SDK1: variants seen among roughly 807,000 people sequenced by gnomAD.
SDK1 encodes protein sidekick-1.
In SDK1, 157 loss-of-function variants were observed where a neutral mutation model predicts 245.5. The ratio of observed to expected loss-of-function variants is 0.64; its 90% CI spans 0.56 to 0.73. The LOEUF (loss-of-function observed/expected upper bound fraction) is 0.73, where lower values mean the gene tolerates loss of function less well. Ranked by LOEUF, SDK1 falls within the 30% of genes least tolerant of loss-of-function variation. The probability of loss-of-function intolerance (pLI) is 0.00; values close to 1 mark genes in which losing one functional copy is unlikely to be tolerated. For missense variants in SDK1, 3,583 were observed against 3,002.3 expected, an observed-to-expected ratio of 1.19 and a Z score of -4.52; for synonymous variants, 1,647 against 1,278.5, an observed-to-expected ratio of 1.29 and a Z score of -6.15.
At chr7:3,908,399 C>T (rs963238023) in intron 5 of SDK1, among the ~76,000 whole-genome samples, 3 of 152,158 alleles carry the variant, frequency 2.0e-5, no homozygotes, top group Non-Finnish European at 4.4e-5. Context: ...CCTCGTGTCC[C>T]GACAGCGTCG....
At chr7:3,823,920 T>G (rs563504802) in intron 5 of SDK1, among the ~76,000 whole-genome samples, 1 of 151,938 alleles carries the variant, frequency 6.6e-6, no homozygotes, top group Non-Finnish European at 1.5e-5. Flanking sequence ...AAATGTTAAA[T>G]GGCAACCAAT....
chr7:3,703,342 C>T (rs1381808202), intron 4 of SDK1, among the ~76,000 whole-genome samples: 2 of 152,086 alleles, frequency 1.3e-5, no homozygotes, highest in African/African-American at 4.8e-5. Flanking sequence ...AGGGGAATTA[C>T]ACTGAAAAAA....
At chr7:4,073,491 G>C (rs960891669) in intron 20 of SDK1, among the ~76,000 whole-genome samples, 2 of 152,174 alleles carry the variant, frequency 1.3e-5, no homozygotes, top group Non-Finnish European at 2.9e-5. Flanking sequence ...TGGAATTGCC[G>C]TGTTTCAGCT....
intron 1 of SDK1, among the ~76,000 whole-genome samples, chr7:3,587,918 T>A (rs1189850118): frequency 1.3e-5 from 2 of 152,252 alleles, no homozygotes; most frequent in East Asian, 3.8e-4. Flanking sequence ...GTACTAAATG[T>A]TCAGTAAACA....
At chr7:3,354,258 A>G (rs1393814440) in intron 1 of SDK1, among the ~76,000 whole-genome samples, 1 of 151,930 alleles carries the variant, frequency 6.6e-6, no homozygotes, top group Non-Finnish European at 1.5e-5. Context: ...TTGGCCTCCC[A>G]AAGTGCTGGG....
chr7:3,794,868 G>T (rs1041883116), intron 4 of SDK1, among the ~76,000 whole-genome samples: 1 of 151,824 alleles, frequency 6.6e-6, no homozygotes, highest in African/African-American at 2.4e-5. Context: ...TCCTCTGTCT[G>T]TTGCCCTTCA....
intron 4 of SDK1, among the ~76,000 whole-genome samples, chr7:3,696,524 T>G (rs1784575553): frequency 6.6e-6 from 1 of 151,984 alleles, no homozygotes; most frequent in Non-Finnish European, 1.5e-5. Context: ...TGCTCTGTAA[T>G]ATGTAGTCCA....
intron 38 of SDK1, among the ~76,000 whole-genome samples, chr7:4,218,159 G>A (rs909876317): frequency 2.0e-5 from 3 of 152,146 alleles, no homozygotes; most frequent in Admixed American, 6.5e-5. Flanking sequence ...ATTCCAGCAC[G>A]TTGGGAGGCC....
rs75110570 is a variant in SDK1 at position 3,679,049 on chromosome 7, A to G, written c.713+36944A>G. ...TTCAGAGCCTACGGATTAGTGAACA[A>G]TTTTTAGCTATGGCACCAAAAACAT... On this transcript the variant is annotated intron_variant, in intron 4 of 44. Transcript: ENST00000404826. Among the ~76,000 whole-genome samples the G allele has an allele frequency of 3.3e-3, 502 of 152,324 alleles. 3 individuals are homozygous for G. The highest frequency in any genetic ancestry group is 0.011 in the African/African-American group (476 of 41,564).
At chr7:3,508,422 G>A (rs768322979) in intron 1 of SDK1, among the ~76,000 whole-genome samples, 12 of 149,774 alleles carry the variant, frequency 8.0e-5, no homozygotes, top group South Asian at 4.2e-4. Context: ...CTACCTCCTC[G>A]GTTCAAACAA....
chr7:3,845,267 G>A (rs1314634856), intron 5 of SDK1, among the ~76,000 whole-genome samples: 2 of 152,044 alleles, frequency 1.3e-5, no homozygotes, highest in African/African-American at 4.8e-5. Flanking sequence ...CCAGGTGGGT[G>A]GATCACAAGG....
chr7:3,724,961 T>C (rs903670924), intron 4 of SDK1, among the ~76,000 whole-genome samples: 2 of 152,160 alleles, frequency 1.3e-5, no homozygotes, highest in African/African-American at 2.4e-5. Flanking sequence ...GAAATGAAAA[T>C]AGATTTTCGT....
At chr7:3,584,139 A>G (rs528511108) in intron 1 of SDK1, among the ~76,000 whole-genome samples, 54 of 152,306 alleles carry the variant, frequency 3.5e-4, no homozygotes, top group African/African-American at 1.3e-3. Context: ...GGTATTGTAA[A>G]AAGATTCTGT....
intron 5 of SDK1, among the ~76,000 whole-genome samples, chr7:3,830,729 T>C (rs1033239849): frequency 2.0e-5 from 3 of 152,152 alleles, no homozygotes; most frequent in Admixed American, 6.5e-5. Flanking sequence ...GAACTCGGGC[T>C]CAAACAGTCG....
intron 1 of SDK1, among the ~76,000 whole-genome samples, chr7:3,559,395 C>T (rs1779680677): frequency 6.6e-6 from 1 of 152,048 alleles, no homozygotes; most frequent in African/African-American, 2.4e-5. Context: ...TGCTTGGATC[C>T]ATTTCCAGGA....
At chr7:3,516,772 T>G (rs373315284) in intron 1 of SDK1, among the ~76,000 whole-genome samples, 1 of 152,190 alleles carries the variant, frequency 6.6e-6, no homozygotes, top group African/African-American at 2.4e-5. Flanking sequence ...ATACTGAGTA[T>G]TAGACATTTT....
chr7:3,610,055 C>T (rs1781543054), intron 1 of SDK1, among the ~76,000 whole-genome samples: 1 of 152,186 alleles, frequency 6.6e-6, no homozygotes, highest in African/African-American at 2.4e-5. Flanking sequence ...ACTCAAATCA[C>T]ATATTATTAC....
chr7:4,082,611 C>T (rs575285121), intron 22 of SDK1, among the ~76,000 whole-genome samples: 1 of 151,612 alleles, frequency 6.6e-6, no homozygotes, highest in Non-Finnish European at 1.5e-5. Context: ...ACCATTGTCA[C>T]ACCTGATAAA....
rs1371246899 is a variant in SDK1 at position 4,268,924 on chromosome 7, AAAAG to A, written c.*3544_*3547del. The stretch of plus-strand genomic sequence containing the variant: ...GAAAAACAGATCTCATTAAAAGAAA[AAAAG>A]AAACAACTTGTAGGAAGACAGAGAG... On this transcript the variant is annotated 3_prime_UTR_variant, in exon 45 of 45. Transcript: ENST00000404826. 1 of 341,242 alleles carries A rather than the reference AAAAG, an allele frequency of 2.9e-6. No individual in the cohort carries two copies. Among genetic ancestry groups the A allele is most frequent in the Non-Finnish European group, 5.8e-6 (1 of 171,576 alleles). 21.1% of individuals were successfully genotyped at this position (341,242 alleles called of 1,614,324 possible).
Sources: allele counts gnomAD v4.1 joint callset (sites outside exome capture counted in the v4.1 genomes callset), GRCh38; gene constraint gnomAD v4.1.1; transcripts MANE v1.5; gene names NCBI Gene and HGNC (gene_info 2026-07-23, HGNC 2026-07-21).